Variants in SHANK2 observed in about 807,000 individuals in gnomAD.
SHANK2 encodes SH3 and multiple ankyrin repeat domains 2.
SHANK2 carries 43 observed loss-of-function variants against 133.7 expected under a neutral mutation model. That is an observed-to-expected ratio of 0.32 (90% CI 0.25 to 0.41). SHANK2 has a LOEUF of 0.41. SHANK2 is among the 10% of genes least tolerant of loss of function. The probability of loss-of-function intolerance (pLI) is 1.00; values close to 1 mark genes in which losing one functional copy is unlikely to be tolerated. For missense variants in SHANK2, 1,994 were observed against 2,235.8 expected (o/e 0.89, Z 2.18); for synonymous variants, 1,017 against 952.8 (o/e 1.07, Z -1.24).
At chr11:71,086,765 C>T (rs1038479995) in intron 8 of SHANK2, among the ~76,000 whole-genome samples, 1 of 151,956 alleles carries the variant, frequency 6.6e-6, no homozygotes, top group African/African-American at 2.4e-5. Context: ...GGGAGGCAGG[C>T]GGCACTGTCC....
At chr11:70,752,034 A>C (rs1443664306) in intron 14 of SHANK2, among the ~76,000 whole-genome samples, 6 of 152,226 alleles carry the variant, frequency 3.9e-5, no homozygotes, top group Admixed American at 2.6e-4. Flanking sequence ...TAATAATAAC[A>C]TTAAATTTAA....
intron 17 of SHANK2, among the ~76,000 whole-genome samples, chr11:70,593,856 C>T (rs1264378942): frequency 1.3e-5 from 2 of 152,198 alleles, no homozygotes; most frequent in African/African-American, 4.8e-5. Context: ...TTCATTCATT[C>T]ATTCAATGAA....
Position 70,818,373 on chromosome 11 carries a change from G to A in SHANK2, c.1493+1991C>T, listed in dbSNP as rs781805632. On this transcript the variant is annotated intron_variant, in intron 12 of 25. Coordinates refer to ENST00000601538, the MANE Select transcript of SHANK2 (RefSeq NM_012309.5). ...GTCCCCCGTTCCTCACACATGAACAGGGAAACAGGGATGGTCAGACCGCAG... is the reference window on the plus strand; with the variant it reads ...GTCCCCCGTTCCTCACACATGAACAAGGAAACAGGGATGGTCAGACCGCAG... Among the ~76,000 whole-genome samples the A allele has an allele frequency of 3.3e-5, 5 of 152,170 alleles. No homozygotes were observed. In the South Asian group the frequency reaches 6.2e-4, roughly 19 times the overall value.
chr11:70,671,686 C>G (rs1158817702), intron 15 of SHANK2, among the ~76,000 whole-genome samples: 1 of 152,206 alleles, frequency 6.6e-6, no homozygotes, highest in African/African-American at 2.4e-5. Context: ...TGTTAGCCAA[C>G]AAGGAGAAAG....
rs987512990 is a variant in SHANK2, at chr11:70,677,087, C to G, written c.1854-15409G>C. ...CAAGGCTGAGAAATCTCTAAAAAGC[C>G]AAGTGAAGTAAAGGGAGACAGAGTT... On this transcript the variant is annotated intron_variant, in intron 15 of 25. Coordinates refer to ENST00000601538, the MANE Select transcript of SHANK2 (RefSeq NM_012309.5). Among the ~76,000 whole-genome samples the G allele has an allele frequency of 2.0e-5, 3 of 152,276 alleles. No individual in the cohort carries two copies. In the South Asian group the frequency reaches 6.2e-4, roughly 32 times the overall value.
Position 71,116,488 on chromosome 11 carries a change from G to A in SHANK2, c.411+2341C>T, listed in dbSNP as rs546693677. The stretch of plus-strand genomic sequence containing the variant: ...AATGTGTAGGGCTGCCCCGTCTTAC[G>A]GATCAGCCACTTCTGGAGGGAGGCC... On this transcript the variant is annotated intron_variant, in intron 4 of 25. Coordinates refer to ENST00000601538, the MANE Select transcript of SHANK2 (RefSeq NM_012309.5). Among the ~76,000 whole-genome samples, 9 of 152,360 alleles carry A rather than the reference G, an allele frequency of 5.9e-5. No homozygotes were observed. The South Asian group carries it at 6.2e-4, about 11-fold the overall frequency.
At chr11:70,585,616 C>T (rs1271097648) in intron 17 of SHANK2, among the ~76,000 whole-genome samples, 1 of 151,972 alleles carries the variant, frequency 6.6e-6, no homozygotes, top group Admixed American at 6.6e-5. Context: ...CCCATCCATC[C>T]ATCTCTCTTT....
At chr11:70,927,454 C>G (rs1555081781) in intron 10 of SHANK2, among the ~76,000 whole-genome samples, 1 of 152,002 alleles carries the variant, frequency 6.6e-6, no homozygotes, top group Non-Finnish European at 1.5e-5. Context: ...CGAATCTAGG[C>G]CAGGTTGGGA....
chr11:71,217,678 G>A (rs73530338), intron 2 of SHANK2, among the ~76,000 whole-genome samples: 1,549 of 152,220 alleles, frequency 0.01, 30 homozygotes, highest in African/African-American at 0.036. Flanking sequence ...CTGACCCCGC[G>A]TAGGCCAAGG....
At chr11:70,541,195 C>T (rs2059617936) in intron 17 of SHANK2, among the ~76,000 whole-genome samples, 1 of 152,248 alleles carries the variant, frequency 6.6e-6, no homozygotes. Context: ...TGGAACGATG[C>T]TCCCTGATCG....
At chr11:70,918,026 T>G (rs138432047) in intron 10 of SHANK2, among the ~76,000 whole-genome samples, 144,458 of 150,022 alleles carry the variant, frequency 0.96, 69,721 homozygotes, top group East Asian at 1. Context: ...AGTTTTTTTT[T>G]TTTTTTTTTT....
At chr11:70,554,623 C>A (rs1017927624) in intron 17 of SHANK2, among the ~76,000 whole-genome samples, 1 of 151,966 alleles carries the variant, frequency 6.6e-6, no homozygotes, top group East Asian at 1.9e-4. Context: ...ATTAATGAAC[C>A]GATACTGACA....
chr11:70,679,571 C>G (rs73525995), intron 15 of SHANK2, among the ~76,000 whole-genome samples: 6,098 of 152,336 alleles, frequency 0.04, 409 homozygotes, highest in African/African-American at 0.14. Flanking sequence ...GTCCCATTCC[C>G]CTGTGCTGGG....
At chr11:70,702,909 C>G (rs1160905050) in intron 14 of SHANK2, among the ~76,000 whole-genome samples, 1 of 152,198 alleles carries the variant, frequency 6.6e-6, no homozygotes, top group African/African-American at 2.4e-5. Context: ...TAGTAACAGT[C>G]CCTCCTTAAA....
chr11:70,802,694 C>T (rs1948072133), intron 13 of SHANK2, among the ~76,000 whole-genome samples: 1 of 152,204 alleles, frequency 6.6e-6, no homozygotes, highest in African/African-American at 2.4e-5. Context: ...TTGGGGCAGA[C>T]ACCTGGAGGA....
At position 70,655,754 on chromosome 11, in the gene SHANK2, C is replaced by T. The variant is rs558888667; in HGVS notation, c.2061+4074G>A. On this transcript the variant is annotated intron_variant, in intron 17 of 25. Coordinates refer to ENST00000601538, the MANE Select transcript of SHANK2 (RefSeq NM_012309.5). ...GACTAGGAGATTAACGCAGCACCTG[C>T]TTGTGTTTGGGTCGAGGAGACTTTA... 2.0e-5 allele frequency among the ~76,000 whole-genome samples: 3 copies of T among 152,276 alleles called. No homozygotes were observed. In the South Asian group the frequency reaches 6.2e-4, roughly 32 times the overall value.
chr11:71,085,653 T>TATATAAC (rs1590894303), intron 8 of SHANK2, among the ~76,000 whole-genome samples: 2,788 of 14,972 alleles, frequency 0.19, 96 homozygotes, highest in Non-Finnish European at 0.39. Flanking sequence ...TATTATGTTA[T>TATATAAC]ATATTATATT....
At chr11:70,641,540 C>T (rs559511343) in intron 17 of SHANK2, among the ~76,000 whole-genome samples, 49 of 152,214 alleles carry the variant, frequency 3.2e-4, no homozygotes, top group African/African-American at 1.1e-3. Context: ...GAGGAATGAC[C>T]GCCAGTTGAG....
intron 10 of SHANK2, chr11:70,907,821 G>A (rs781973382): frequency 1.8e-5 from 8 of 444,976 alleles, no homozygotes; most frequent in South Asian, 1.1e-4. Flanking sequence ...AATAGACTGG[G>A]TCAGACATGA....
Sources: gnomAD v4.1 joint callset for allele counts (sites outside exome capture counted in the v4.1 genomes callset) on GRCh38, gnomAD v4.1.1 for gene constraint, MANE v1.5 for transcripts, NCBI Gene and HGNC (gene_info 2026-07-23, HGNC 2026-07-21) for gene names.